Variants in ACBD5 observed in about 807,000 individuals in gnomAD.
The protein encoded by ACBD5 is acyl-CoA-binding domain-containing protein 5.
Under a neutral mutation model 71.8 loss-of-function variants are expected in ACBD5, and 40 were observed. That is an observed-to-expected ratio of 0.56 (90% CI 0.43 to 0.72). The LOEUF is 0.72. Among genes scored for constraint, ACBD5 ranks in the 30% least tolerant of loss-of-function variants. ACBD5 has a pLI of 0.00. For synonymous variants in ACBD5, 229 were observed against 218.6 expected, an observed-to-expected ratio of 1.05 and a Z score of -0.42; for missense variants, 559 against 644.5, an observed-to-expected ratio of 0.87 and a Z score of 1.44.
chr10:27,223,366 C>A lies in ACBD5; in HGVS notation c.462G>T (p.Lys154Asn), dbSNP rs2062606649. ...GPFYEIVEDKKSGRSSDITSD... is the reference protein window; with the variant it reads ...GPFYEIVEDKNSGRSSDITSD... The stretch of plus-strand genomic sequence containing the variant: ...AGGTTATATCAGAACTCCTGCCACT[C>A]TTTTTGTCCTCGACAATTTCATAAA... Residue 154 changes from lysine (K) to asparagine (N), a missense_variant, in exon 5 of 13, where the codon AAG (lysine) becomes AAT (asparagine). Coordinates refer to ENST00000396271, the MANE Select transcript of ACBD5 (RefSeq NM_145698.5). 1 of 1,613,728 alleles carries A rather than the reference C, an allele frequency of 6.2e-7. No individual in the cohort carries two copies. Among genetic ancestry groups the A allele is most frequent in the Admixed American group, 1.7e-5 (1 of 59,994 alleles).
intron 2 of ACBD5, among the ~76,000 whole-genome samples, chr10:27,235,459 T>C (rs904044754): frequency 6.6e-6 from 1 of 152,188 alleles, no homozygotes; most frequent in African/African-American, 2.4e-5. Context: ...AAAGAATACA[T>C]GAATAGACAT....
chr10:27,219,657 C>T, intron 6 of ACBD5, 66 bp downstream of exon 6: 1 of 1,595,244 alleles, frequency 6.3e-7, no homozygotes, highest in Non-Finnish European at 8.6e-7. Context: ...CCAAATCAGC[C>T]CAAATGTCTT....
intron 12 of ACBD5, among the ~76,000 whole-genome samples, chr10:27,200,451 C>CT (rs1008838191): frequency 3.0e-3 from 446 of 146,962 alleles, no homozygotes; most frequent in African/African-American, 8.5e-3. Context: ...TTTTTTCTCT[C>CT]TTTTTTTTTT....
At chr10:27,230,152 TC>T (rs2063666276) in intron 4 of ACBD5, among the ~76,000 whole-genome samples, 1 of 151,906 alleles carries the variant, frequency 6.6e-6, no homozygotes, top group Non-Finnish European at 1.5e-5. Context: ...AGATTACCTT[TC>T]ATTCTCTGCT....
At chr10:27,189,133 C>T (rs1275155265) in intron 13 of ACBD5, among the ~76,000 whole-genome samples, 1 of 152,212 alleles carries the variant, frequency 6.6e-6, no homozygotes, top group African/African-American at 2.4e-5. Context: ...TTAGTTTCCT[C>T]CCACATACAG....
intron 12 of ACBD5, among the ~76,000 whole-genome samples, chr10:27,198,042 T>C (rs901924551): frequency 4.6e-5 from 7 of 152,246 alleles, no homozygotes; most frequent in African/African-American, 1.7e-4. Context: ...GTGGAAATGA[T>C]TTCATAATTT....
At position 27,201,159 on chromosome 10, in the gene ACBD5, T is replaced by C. The variant is rs578187063; in HGVS notation, c.1565+3281A>G. Among the ~76,000 whole-genome samples, 5 of 152,318 alleles carry C rather than the reference T, an allele frequency of 3.3e-5. No individual in the cohort carries two copies. The South Asian group carries it at 1.0e-3, about 32-fold the overall frequency. On this transcript the variant is annotated intron_variant, in intron 12 of 12. Transcript: ENST00000396271. ...GCCCAGGCAAGAGAGTGAGACCTTGTCTCAAATAGATAAATAAATAAACAA... is the reference window on the plus strand; with the variant it reads ...GCCCAGGCAAGAGAGTGAGACCTTGCCTCAAATAGATAAATAAATAAACAA...
chr10:27,199,682 C>A (rs921045687), intron 12 of ACBD5, among the ~76,000 whole-genome samples: 1 of 152,126 alleles, frequency 6.6e-6, no homozygotes, highest in African/African-American at 2.4e-5. Context: ...CCTCCTGAGA[C>A]CCTCCCCACT....
At chr10:27,188,734 A>AG (rs2058922904) in intron 13 of ACBD5, among the ~76,000 whole-genome samples, 1 of 152,172 alleles carries the variant, frequency 6.6e-6, no homozygotes, top group African/African-American at 2.4e-5. Context: ...GTGACTTATT[A>AG]TCTAAATTTA....
chr10:27,197,107 A>G lies in ACBD5; in HGVS notation c.*323T>C. ...TTTGAAAAGCAGCTTATGTTACTCT[A>G]TGGAAGATAATCAGGTAAACATGTT... On this transcript the variant is annotated 3_prime_UTR_variant, in exon 13 of 13. Coordinates refer to ENST00000396271, the MANE Select transcript of ACBD5 (RefSeq NM_145698.5). 1 of 478,944 alleles carries G rather than the reference A, an allele frequency of 2.1e-6. No individual in the cohort carries two copies. The highest frequency in any genetic ancestry group is 3.9e-6 in the Non-Finnish European group (1 of 254,370). The allele number at this position is 478,944 out of a possible 1,614,324, so 29.7% of individuals were successfully genotyped here.
chr10:27,228,501 G>A (rs2800401), intron 4 of ACBD5, among the ~76,000 whole-genome samples: 117,444 of 151,348 alleles, frequency 0.78, 45,827 homozygotes, highest in African/African-American at 0.86. Flanking sequence ...GGTGTGAACC[G>A]AGGAGGCGGA....
At chr10:27,219,900 C>T in intron 5 of ACBD5, 43 bp from the exon 6 acceptor site, 1 of 1,590,396 alleles carries the variant, frequency 6.3e-7, no homozygotes, top group Non-Finnish European at 8.6e-7. Flanking sequence ...TGATAATATA[C>T]AATAATGTCA....
intron 4 of ACBD5, among the ~76,000 whole-genome samples, chr10:27,230,796 CAA>C (rs10625879): frequency 1.3e-4 from 15 of 111,986 alleles, no homozygotes; most frequent in East Asian, 1.0e-3. Context: ...GACTCCATCT[CAA>C]AAAAAAAAAA....
In ACBD5 at chr10:27,240,272, G is replaced by A; in HGVS notation, c.181+47C>T. ...GAACCAGAAAGTGAAAGGGGGCTTT[G>A]GGGCTCTCTGCAGGAGGCGTCTACA... On this transcript the variant is annotated intron_variant, in intron 2 of 12. Coordinates refer to ENST00000396271, the MANE Select transcript of ACBD5 (RefSeq NM_145698.5). This position sits in a 1 kb window ranked among gnomAD's most constrained non-coding sequence, Gnocchi z 4.1. 2 of 1,613,782 alleles carry A rather than the reference G, an allele frequency of 1.2e-6. No homozygotes were observed. The highest frequency in any genetic ancestry group is 4.5e-5 in the East Asian group (2 of 44,878).
intron 12 of ACBD5, among the ~76,000 whole-genome samples, chr10:27,204,005 G>A (rs2060202675): frequency 6.6e-6 from 1 of 151,752 alleles, no homozygotes; most frequent in African/African-American, 2.4e-5. Context: ...ACATATGCCT[G>A]TAGTCCCAGC....
chr10:27,202,447 A>G (rs2060020627), intron 12 of ACBD5, among the ~76,000 whole-genome samples: 1 of 152,226 alleles, frequency 6.6e-6, no homozygotes, highest in Non-Finnish European at 1.5e-5. Context: ...TTCTCCATTC[A>G]GAGACATCTG....
At position 27,230,588 on chromosome 10, in the gene ACBD5, G is replaced by A. The variant is rs113623993; in HGVS notation, c.375+1160C>T. On this transcript the variant is annotated intron_variant, in intron 4 of 12. Coordinates refer to ENST00000396271, the MANE Select transcript of ACBD5 (RefSeq NM_145698.5). ...AAGGCAGGTGGATCACCTGAGGTCC[G>A]GAATTTGAGACCAGCCTGGCCAACA... Among the ~76,000 whole-genome samples, 419 of 152,180 alleles carry A rather than the reference G, an allele frequency of 2.8e-3. 2 individuals are homozygous for A. The highest frequency in any genetic ancestry group is 9.4e-3 in the African/African-American group (389 of 41,520).
intron 4 of ACBD5, among the ~76,000 whole-genome samples, chr10:27,227,676 C>T (rs1436440975): frequency 1.3e-5 from 2 of 152,102 alleles, no homozygotes; most frequent in Non-Finnish European, 2.9e-5. Context: ...GGACTAGACC[C>T]TCTGCCATGG....
At chr10:27,225,949 A>C (rs1227569153) in intron 4 of ACBD5, among the ~76,000 whole-genome samples, 1 of 152,120 alleles carries the variant, frequency 6.6e-6, no homozygotes, top group Non-Finnish European at 1.5e-5. Context: ...TAAATTCGGC[A>C]TTTGGGTTTC....
Sources: gnomAD v4.1 joint callset for allele counts (sites outside exome capture counted in the v4.1 genomes callset) on GRCh38, gnomAD v4.1.1 for gene constraint, Gnocchi (gnomAD v3.1) non-coding constraint, MANE v1.5 for transcripts, NCBI Gene and HGNC (gene_info 2026-07-23, HGNC 2026-07-21) for gene names.